The following PRKN variants were observed in gnomAD, a reference collection of about 807,000 sequenced individuals.
The protein encoded by PRKN is parkin RBR E3 ubiquitin protein ligase.
Under a neutral mutation model 59.5 loss-of-function variants are expected in PRKN, and 56 were observed. The observed-to-expected ratio is 0.94, with a 90% CI of 0.76 to 1.18. The LOEUF is 1.18. Among genes scored for constraint, PRKN ranks in the 50% most tolerant of loss-of-function variants. The pLI is 0.00. For missense variants in PRKN, 657 were observed against 596.4 expected (o/e 1.10, Z -1.06); for synonymous variants, 250 against 222.1 (o/e 1.13, Z -1.12).
At chr6:162,532,220 G>T (rs1778543761) in intron 1 of PRKN, among the ~76,000 whole-genome samples, 1 of 80,342 alleles carries the variant, frequency 1.2e-5, no homozygotes. Flanking sequence ...TGCTTTTATG[G>T]ACTATAAAAC....
At position 161,349,424 on chromosome 6, in the gene PRKN, C is replaced by T. The variant is rs528792599; in HGVS notation, c.*675G>A. 1 of 231,922 alleles carries T rather than the reference C, an allele frequency of 4.3e-6. No individual in the cohort carries two copies. The highest frequency in any genetic ancestry group is 6.1e-5 in the East Asian group (1 of 16,298). The allele number at this position is 231,922 out of a possible 1,614,324, so 14.4% of individuals were successfully genotyped here. Reference sequence around the variant, plus strand: ...ATTCAAATTAACTTTCATAATTTCTCACTTTGTGACAAGTTGATTTACGCA... The same window carrying T: ...ATTCAAATTAACTTTCATAATTTCTTACTTTGTGACAAGTTGATTTACGCA... On this transcript the variant is annotated 3_prime_UTR_variant, in exon 12 of 12. Transcript: ENST00000366898. This position sits in a 1 kb window ranked among gnomAD's most constrained non-coding sequence, Gnocchi z 5.5.
intron 1 of PRKN, among the ~76,000 whole-genome samples, chr6:162,672,392 C>T (rs1779356996): frequency 2.6e-5 from 4 of 151,830 alleles, no homozygotes; most frequent in South Asian, 4.2e-4. Flanking sequence ...CATTTTTATT[C>T]GGTAACATTA....
chr6:161,450,193 T>C (rs938246757), intron 9 of PRKN, among the ~76,000 whole-genome samples: 3 of 152,180 alleles, frequency 2.0e-5, no homozygotes, highest in Non-Finnish European at 4.4e-5. Context: ...GGAAGGTGTA[T>C]GGCCAAAGGA....
In PRKN at chr6:161,442,248, C is replaced by G. The variant is rs1789270814; in HGVS notation, c.1084-55371G>C. 2.6e-5 allele frequency among the ~76,000 whole-genome samples: 4 copies of G among 152,268 alleles called. No individual in the cohort carries two copies. The South Asian group carries it at 8.3e-4, about 32-fold the overall frequency. On this transcript the variant is annotated intron_variant, in intron 9 of 11. Coordinates refer to ENST00000366898, the MANE Select transcript of PRKN (RefSeq NM_004562.3). This position sits in a 1 kb window ranked among gnomAD's most constrained non-coding sequence, Gnocchi z 4.6. The stretch of plus-strand genomic sequence containing the variant: ...CTCTGAAATTGAAGGAGAATTATTT[C>G]TCCACTTCAAAAGTCAGTACAGAGC...
At chr6:161,567,035 T>TGTGTGTGTG (rs1450596371) in intron 8 of PRKN, among the ~76,000 whole-genome samples, 1 of 107,976 alleles carries the variant, frequency 9.3e-6, no homozygotes, top group East Asian at 4.5e-4. Context: ...TTTTTTTTTT[T>TGTGTGTGTG]TTTGTGTGTG....
At position 161,372,825 on chromosome 6, in the gene PRKN, ATTTTTTT is replaced by A. The variant is rs11293379; in HGVS notation, c.1168-12627_1168-12621del. ...TGGTCAACAAAGACAGAGAGACCCTATTTTTTTTTTTTTTTTTTTTTTGAGACAGGGT... is the reference window on the plus strand; with the variant it reads ...TGGTCAACAAAGACAGAGAGACCCTATTTTTTTTTTTTTTTGAGACAGGGT... On this transcript the variant is annotated intron_variant, in intron 10 of 11. Transcript: ENST00000366898. The surrounding 1 kb of genome is among the most constrained non-coding windows in gnomAD (Gnocchi z 4.2). 2.6e-5 allele frequency among the ~76,000 whole-genome samples: 3 copies of A among 114,440 alleles called. No individual in the cohort carries two copies. The highest frequency in any genetic ancestry group is 3.4e-5 in the African/African-American group (1 of 29,568). The allele number at this position is 114,440 out of a possible 152,430, so 75.1% of individuals were successfully genotyped here.
At chr6:162,604,591 T>C (rs1308060897) in intron 1 of PRKN, among the ~76,000 whole-genome samples, 1 of 151,946 alleles carries the variant, frequency 6.6e-6, no homozygotes, top group Non-Finnish European at 1.5e-5. Context: ...GGGTCCATGT[T>C]TTTCCCCCAC....
rs1384950188 is a variant in PRKN, at chr6:161,470,692, C to A, written c.1083+78162G>T. Among the ~76,000 whole-genome samples the A allele has an allele frequency of 1.3e-5, 2 of 152,232 alleles. No homozygotes were observed. Among genetic ancestry groups the A allele is most frequent in the African/African-American group, 4.8e-5 (2 of 41,462 alleles). ...GCCCCAGAATTCCCTGCCCAAATGG[C>A]CTGGGCTTGATTCAGGGCTTGTGTA... On this transcript the variant is annotated intron_variant, in intron 9 of 11. Transcript: ENST00000366898. The surrounding 1 kb of genome is among the most constrained non-coding windows in gnomAD (Gnocchi z 5.1).
At chr6:162,010,258 ATAT>A (rs1449717284) in intron 5 of PRKN, among the ~76,000 whole-genome samples, 1 of 129,632 alleles carries the variant, frequency 7.7e-6, no homozygotes, top group Admixed American at 9.6e-5. Flanking sequence ...TACATAATAT[ATAT>A]TTTATATATA....
At chr6:162,516,750 G>A (rs1331253184) in intron 1 of PRKN, among the ~76,000 whole-genome samples, 7 of 138,658 alleles carry the variant, frequency 5.0e-5, no homozygotes, top group East Asian at 2.1e-4. Context: ...GCAACAGAGC[G>A]AGACTCTACC....
chr6:161,610,847 C>T (rs982695841), intron 7 of PRKN, among the ~76,000 whole-genome samples: 21 of 152,074 alleles, frequency 1.4e-4, no homozygotes, highest in Non-Finnish European at 2.6e-4. Flanking sequence ...GGGTCGTCCA[C>T]GTGGCCAGAG....
At chr6:161,415,263 T>C (rs968213407) in intron 9 of PRKN, among the ~76,000 whole-genome samples, 1 of 152,058 alleles carries the variant, frequency 6.6e-6, no homozygotes, top group Non-Finnish European at 1.5e-5. Context: ...TTTTCTGCCT[T>C]AAACTCATTT....
intron 3 of PRKN, among the ~76,000 whole-genome samples, chr6:162,210,964 G>A (rs1785174988): frequency 6.6e-6 from 1 of 152,156 alleles, no homozygotes; most frequent in Non-Finnish European, 1.5e-5. Flanking sequence ...TTCTTTGAAA[G>A]GTAGGTACGA....
intron 6 of PRKN, among the ~76,000 whole-genome samples, chr6:161,964,849 A>C (rs1346137516): frequency 6.6e-6 from 1 of 152,092 alleles, no homozygotes; most frequent in East Asian, 1.9e-4. Flanking sequence ...AATTTTAAGA[A>C]AATCTTAAGT....
At chr6:162,379,787 A>T (rs999778324) in intron 2 of PRKN, among the ~76,000 whole-genome samples, 1 of 152,176 alleles carries the variant, frequency 6.6e-6, no homozygotes, top group African/African-American at 2.4e-5. Flanking sequence ...AAGGCACTTT[A>T]AAAAAATGCT....
At chr6:161,569,913 G>A (rs756854136) in intron 7 of PRKN, among the ~76,000 whole-genome samples, 13 of 151,938 alleles carry the variant, frequency 8.6e-5, no homozygotes, top group Admixed American at 2.6e-4. Flanking sequence ...CTCAGCTGGC[G>A]GTTAGTACCT....
chr6:161,659,249 G>A lies in PRKN; in HGVS notation c.872-89833C>T, dbSNP rs888686756. On this transcript the variant is annotated intron_variant, in intron 7 of 11. Coordinates refer to ENST00000366898, the MANE Select transcript of PRKN (RefSeq NM_004562.3). Reference sequence around the variant, plus strand: ...TGTAAATGTATCCTGGGCACATAGAGCATATACGCTGTGTCACAATTGTTC... The same window carrying A: ...TGTAAATGTATCCTGGGCACATAGAACATATACGCTGTGTCACAATTGTTC... Among the ~76,000 whole-genome samples the A allele has an allele frequency of 4.7e-4, 72 of 152,288 alleles. 2 individuals are homozygous for A. Among genetic ancestry groups the A allele is most frequent in the African/African-American group, 4.3e-4 (18 of 41,558 alleles).
chr6:161,825,126 T>G (rs1221147341), intron 6 of PRKN, among the ~76,000 whole-genome samples: 1 of 152,174 alleles, frequency 6.6e-6, no homozygotes, highest in Non-Finnish European at 1.5e-5. Context: ...AATTATTTTC[T>G]ATTCTTTTTA....
intron 1 of PRKN, among the ~76,000 whole-genome samples, chr6:162,577,608 T>TAAATA (rs71004101): frequency 0.11 from 14,836 of 137,094 alleles, 888 homozygotes; most frequent in Middle Eastern, 0.25. Flanking sequence ...TCAAAATAAA[T>TAAATA]AAATAAAATA....
Sources: allele counts gnomAD v4.1 joint callset (sites outside exome capture counted in the v4.1 genomes callset), GRCh38; gene constraint gnomAD v4.1.1; non-coding constraint Gnocchi (gnomAD v3.1); transcripts MANE v1.5; gene names NCBI Gene and HGNC (gene_info 2026-07-23, HGNC 2026-07-21).